The following FKBP1B variants were observed in gnomAD, a reference collection of about 807,000 sequenced individuals.
The protein encoded by FKBP1B is peptidyl-prolyl cis-trans isomerase FKBP1B.
In FKBP1B, 4 loss-of-function variants were observed where a neutral mutation model predicts 13.5. The ratio of observed to expected loss-of-function variants is 0.30; its 90% CI spans 0.15 to 0.68. The LOEUF (loss-of-function observed/expected upper bound fraction) is 0.68, where lower values mean the gene tolerates loss of function less well. Ranked by LOEUF, FKBP1B falls within the 30% of genes least tolerant of loss-of-function variation. The pLI is 0.76. For missense variants in FKBP1B, 93 were observed against 136.2 expected (o/e 0.68, Z 1.58); for synonymous variants, 54 against 53.6 (o/e 1.01, Z -0.03).
chr2:24,060,156 G>A (rs1309990557), intron 2 of FKBP1B, among the ~76,000 whole-genome samples: 2 of 152,062 alleles, frequency 1.3e-5, no homozygotes, highest in Non-Finnish European at 2.9e-5. Flanking sequence ...ATGCCAAGTG[G>A]ACAATGAAAT....
At chr2:24,059,371 C>T (rs867094942) in intron 2 of FKBP1B, among the ~76,000 whole-genome samples, 2 of 99,956 alleles carry the variant, frequency 2.0e-5, no homozygotes, top group Non-Finnish European at 4.2e-5. Context: ...GGACCAGCAC[C>T]TGGGGGGGGG....
intron 3 of FKBP1B, 124 bp from the exon 4 acceptor site, chr2:24,062,940 A>G (rs1428522598): frequency 2.4e-5 from 34 of 1,410,928 alleles, no homozygotes; most frequent in Non-Finnish European, 3.3e-5. Context: ...TGTAAAATTC[A>G]TCTGAGATCT....
At chr2:24,053,792 C>G (rs891898660) in intron 1 of FKBP1B, 110 bp from the exon 2 acceptor site, 2 of 1,037,904 alleles carry the variant, frequency 1.9e-6, no homozygotes, top group Non-Finnish European at 3.0e-6. Flanking sequence ...CAGGCATCTC[C>G]ATGGCATGGA....
At chr2:24,041,483 T>C in the FKBP1B span, among the ~76,000 whole-genome samples, 2 of 151,900 alleles carry the variant, frequency 1.3e-5, no homozygotes, top group Non-Finnish European at 2.9e-5. Context: ...GACACAAAGA[T>C]ATATAGGATT....
chr2:24,058,365 A>T (rs1279564250), intron 2 of FKBP1B, among the ~76,000 whole-genome samples: 3 of 152,118 alleles, frequency 2.0e-5, no homozygotes, highest in East Asian at 1.9e-4. Context: ...TTTTTTCCCC[A>T]TATGAATATA....
chr2:24,050,082 AG>A lies in FKBP1B; in HGVS notation c.37+200del, dbSNP rs932150738. Among the ~76,000 whole-genome samples the A allele has an allele frequency of 5.9e-5, 9 of 151,556 alleles. No homozygotes were observed. Among genetic ancestry groups the A allele is most frequent in the African/African-American group, 2.2e-4 (9 of 41,230 alleles). On this transcript the variant is annotated intron_variant, in intron 1 of 3. Transcript: ENST00000380986. This position sits in a 1 kb window ranked among gnomAD's most constrained non-coding sequence, Gnocchi z 5.8. Reference sequence around the variant, plus strand: ...CCGCCATCCTCTTCCGCGCTCACCTAGGGGAATGTAGGCGGCAGCTCGGAGG... The same window carrying A: ...CCGCCATCCTCTTCCGCGCTCACCTAGGGAATGTAGGCGGCAGCTCGGAGG...
At chr2:24,056,807 C>T (rs1664149308) in intron 2 of FKBP1B, among the ~76,000 whole-genome samples, 2 of 152,148 alleles carry the variant, frequency 1.3e-5, no homozygotes. Flanking sequence ...TCTCCTGCCT[C>T]AGCCTCCTGA....
upstream of FKBP1B, among the ~76,000 whole-genome samples, chr2:24,046,509 T>G (rs1046111911): frequency 4.5e-4 from 68 of 152,182 alleles, no homozygotes; most frequent in African/African-American, 2.4e-5. Flanking sequence ...GTCAGAAAAC[T>G]AAGAGCCGGT....
intron 1 of FKBP1B, among the ~76,000 whole-genome samples, chr2:24,052,105 A>G (rs1337682476): frequency 6.6e-6 from 1 of 152,038 alleles, no homozygotes; most frequent in Non-Finnish European, 1.5e-5. Flanking sequence ...TTCCAGTCTG[A>G]TTGCATGACC....
At chr2:24,062,952 C>CCATGT in intron 3 of FKBP1B, 112 bp from the exon 4 acceptor site, 1 of 1,489,918 alleles carries the variant, frequency 6.7e-7, no homozygotes, top group East Asian at 2.3e-5. Flanking sequence ...CTGAGATCTT[C>CCATGT]AGAGTTAACA....
At chr2:24,038,849 G>GT in the FKBP1B span, 2 of 1,614,218 alleles carry the variant, frequency 1.2e-6, no homozygotes, top group South Asian at 2.2e-5. Context: ...ATAGCAACCT[G>GT]TGAGTCCACA....
chr2:24,043,239 G>T, the FKBP1B span, among the ~76,000 whole-genome samples: 2 of 152,190 alleles, frequency 1.3e-5, no homozygotes, highest in Non-Finnish European at 1.5e-5. Flanking sequence ...GGGAGGCTGA[G>T]ACACGAGAAT....
chr2:24,039,580 G>T, the FKBP1B span: 4 of 1,398,894 alleles, frequency 2.9e-6, no homozygotes, highest in Non-Finnish European at 3.9e-6. Context: ...AGGACATTTG[G>T]TAAGACAACG....
At chr2:24,054,886 A>C (rs1270467840) in intron 2 of FKBP1B, among the ~76,000 whole-genome samples, 2 of 152,232 alleles carry the variant, frequency 1.3e-5, no homozygotes, top group Non-Finnish European at 2.9e-5. Context: ...AAACCACAAC[A>C]TCCTTTTGCA....
At position 24,054,234 on chromosome 2, in the gene FKBP1B, A is replaced by T; in HGVS notation, c.85+285A>T. The T allele has an allele frequency of 4.9e-6, 3 of 611,572 alleles. No individual in the cohort carries two copies. In the East Asian group the frequency reaches 8.8e-5, roughly 18 times the overall value. 37.9% of individuals were successfully genotyped at this position (611,572 alleles called of 1,614,324 possible). On this transcript the variant is annotated intron_variant, in intron 2 of 3. Coordinates refer to ENST00000380986, the MANE Select transcript of FKBP1B (RefSeq NM_004116.5). ...CAGTCCCCTTCCTTCTGTTGCAGGT[A>T]TGGTGGAGCCCCTGTCCCTGCTGGG...
Position 24,063,072 on chromosome 2 carries a change from G to A in FKBP1B, c.207G>A (p.Leu69=). ...GFEEGAAQMS[L]GQRAKLTCTP... is the part of the protein sequence containing the mutation. ...GCCCCCATCCCTGCTAGATGAGCTT[G>A]GGGCAGAGGGCGAAGCTGACCTGCA... The change falls in exon 4 of 4, where the codon TTG becomes TTA. Residue 69 remains leucine (L), a synonymous_variant. Coordinates refer to ENST00000380986, the MANE Select transcript of FKBP1B (RefSeq NM_004116.5). 1 of 1,614,168 alleles carries A rather than the reference G, an allele frequency of 6.2e-7. No individual in the cohort carries two copies. Among genetic ancestry groups the A allele is most frequent in the Non-Finnish European group, 8.5e-7 (1 of 1,180,018 alleles).
chr2:24,063,475 T>C lies in FKBP1B; in HGVS notation c.*283T>C. 3 of 347,616 alleles carry C rather than the reference T, an allele frequency of 8.6e-6. No individual in the cohort carries two copies. Among genetic ancestry groups the C allele is most frequent in the South Asian group, 8.6e-5 (1 of 11,636 alleles). The allele number at this position is 347,616 out of a possible 1,614,324, so 21.5% of individuals were successfully genotyped here. On this transcript the variant is annotated 3_prime_UTR_variant, in exon 4 of 4. Transcript: ENST00000380986. ...TTCCTGATGACAGAACACAGATCTC[T>C]TGTTCGCACAATCTACACTGCCTTA...
upstream of FKBP1B, among the ~76,000 whole-genome samples, chr2:24,044,848 C>T (rs1312419897): frequency 6.8e-6 from 1 of 147,520 alleles, no homozygotes. Context: ...AAAAGCACAG[C>T]GGTGATCATT....
chr2:24,045,631 GAGGA>G (rs4041250), upstream of FKBP1B, among the ~76,000 whole-genome samples: 17,725 of 105,976 alleles, frequency 0.17, 1,676 homozygotes, highest in Non-Finnish European at 0.2. Context: ...GAGAGAGAGA[GAGGA>G]AGGAAGGAAG....
Sources: allele counts gnomAD v4.1 joint callset (sites outside exome capture counted in the v4.1 genomes callset), GRCh38; gene constraint gnomAD v4.1.1; non-coding constraint Gnocchi (gnomAD v3.1); transcripts MANE v1.5; gene names NCBI Gene and HGNC (gene_info 2026-07-23, HGNC 2026-07-21).